DICER1: variants seen among roughly 807,000 people sequenced by gnomAD.
DICER1 encodes the protein dicer 1, ribonuclease III, also known as endoribonuclease Dicer.
DICER1 carries 43 observed loss-of-function variants against 194.1 expected under a neutral mutation model. The ratio of observed to expected loss-of-function variants is 0.22; its 90% confidence interval spans 0.17 to 0.29. DICER1 has a LOEUF of 0.29. Among genes scored for constraint, DICER1 ranks in the 10% least tolerant of loss-of-function variants. DICER1 has a pLI of 1.00. For missense variants in DICER1, 1,608 were observed against 2,317.0 expected (o/e 0.69, Z 6.28); for synonymous variants, 832 against 820.5 (o/e 1.01, Z -0.24).
intron 23 of DICER1, 29 bp from the exon 24 acceptor site, chr14:95,094,185 C>T: frequency 6.2e-7 from 1 of 1,613,384 alleles, no homozygotes; most frequent in Non-Finnish European, 8.5e-7. Context: ...GAACCGTAAG[C>T]TTGTGCAGAA....
rs1893826509 is a variant in DICER1, at chr14:95,130,109, A to C, written c.522T>G (p.Phe174Leu). Reference sequence around the variant, plus strand: ...CTAGGATTGCAAGATGACACTCATCAAACACCAAAAGGTTAATGTCTGACA... The same window carrying C: ...CTAGGATTGCAAGATGACACTCATCCAACACCAAAAGGTTAATGTCTGACA... The part of the protein sequence containing the change: ...LSLSDINLLV[F>L]DECHLAILDH... The change falls in exon 5 of 27, where the codon TTT becomes TTG. Residue 174 changes from phenylalanine to leucine, a missense_variant. Around this residue, in one of 10 missense-constraint regions of DICER1, gnomAD observed 657 missense variants for 910.1 expected, o/e 0.72. Coordinates refer to ENST00000343455, the MANE Select transcript of DICER1 (RefSeq NM_177438.3). 1 of 1,613,618 alleles carries C rather than the reference A, an allele frequency of 6.2e-7. No individual in the cohort carries two copies. The highest frequency in any genetic ancestry group is 1.3e-5 in the African/African-American group (1 of 75,060).
Position 95,132,610 on chromosome 14 carries a change from G to C in DICER1, c.212C>G (p.Thr71Arg), listed in dbSNP as rs376657431. Residue 71 changes from threonine (T) to arginine (R), a missense_variant, in exon 3 of 27, where the codon ACA becomes AGA. This residue lies in a region of DICER1 where 657 missense variants were observed against 910.1 expected (regional missense o/e 0.72). Transcript: ENST00000343455. ...IVCLNTGSGK[T>R]FIAVLLTKEL... ...TTTAGTGAGTAGTACTGCAATAAAT[G>C]TCTTCCCTGAGCCAGTGTTTAAACA... The C allele has an allele frequency of 1.9e-6, 3 of 1,613,670 alleles. No homozygotes were observed. Among genetic ancestry groups the C allele is most frequent in the Non-Finnish European group, 2.5e-6 (3 of 1,179,776 alleles).
At chr14:95,137,409 GA>G in intron 1 of DICER1, among the ~76,000 whole-genome samples, 1 of 129,016 alleles carries the variant, frequency 7.8e-6, no homozygotes. Flanking sequence ...GAAAGGGAAA[GA>G]AAAAGGGGAA....
chr14:95,138,659 C>T (rs1471369490), intron 1 of DICER1, among the ~76,000 whole-genome samples: 5 of 151,972 alleles, frequency 3.3e-5, no homozygotes, highest in African/African-American at 7.3e-5. Context: ...TGACTTCTGC[C>T]GACCTGTAAC....
intron 10 of DICER1, among the ~76,000 whole-genome samples, chr14:95,116,083 ACACACAC>A (rs543771491): frequency 1.1e-3 from 170 of 151,312 alleles, no homozygotes; most frequent in African/African-American, 4.0e-3. Context: ...ACACACACAC[ACACACAC>A]GACTGTTAGT....
At position 95,133,305 on chromosome 14, in the gene DICER1, G is replaced by C. The variant is rs200678453; in HGVS notation, c.144+10C>G. The C allele has an allele frequency of 1.2e-6, 2 of 1,613,562 alleles. No individual in the cohort carries two copies. The highest frequency in any genetic ancestry group is 8.5e-7 in the Non-Finnish European group (1 of 1,179,696). ...GTAGAATGCTCCAGTATTAGTGTTC[G>C]CATTAGTACCTGATATTTTCTTGGC... is the stretch of plus-strand genomic sequence containing the variant. On this transcript the variant is annotated intron_variant, in intron 2 of 26. Coordinates refer to ENST00000343455, the MANE Select transcript of DICER1 (RefSeq NM_177438.3).
intron 1 of DICER1, among the ~76,000 whole-genome samples, chr14:95,146,735 A>G (rs1196756908): frequency 3.5e-4 from 53 of 152,202 alleles, no homozygotes; most frequent in Admixed American, 3.5e-3. Flanking sequence ...GTGGGAGGGT[A>G]GCATAGCCAA....
chr14:95,109,724 A>G (rs1290243440), intron 14 of DICER1, among the ~76,000 whole-genome samples: 14 of 152,220 alleles, frequency 9.2e-5, no homozygotes, highest in Admixed American at 5.9e-4. Flanking sequence ...AAACTTGGTA[A>G]AACTGCATAA....
At chr14:95,113,050 C>A in intron 12 of DICER1, 42 bp downstream of exon 12, 1 of 1,602,086 alleles carries the variant, frequency 6.2e-7, no homozygotes, top group South Asian at 1.1e-5. Flanking sequence ...CCACTAATGA[C>A]ACATTTTAAA....
intron 17 of DICER1, among the ~76,000 whole-genome samples, chr14:95,107,064 G>A (rs1891486966): frequency 6.6e-6 from 1 of 152,126 alleles, no homozygotes; most frequent in Admixed American, 6.5e-5. Flanking sequence ...TGCCCAGGCT[G>A]GAGTGTAGTG....
At chr14:95,135,568 C>T (rs1595474428) in intron 1 of DICER1, among the ~76,000 whole-genome samples, 1 of 152,064 alleles carries the variant, frequency 6.6e-6, no homozygotes, top group African/African-American at 2.4e-5. Context: ...GGAGGGTATT[C>T]TTCAAAAATG....
intron 6 of DICER1, chr14:95,129,026 T>C (rs1383026708): frequency 6.4e-6 from 1 of 156,228 alleles, no homozygotes; most frequent in African/African-American, 2.4e-5. Context: ...AGCAACTTTC[T>C]CTGAAATCCA....
intron 21 of DICER1, among the ~76,000 whole-genome samples, chr14:95,100,174 G>GA (rs1890751474): frequency 6.6e-6 from 1 of 152,060 alleles, no homozygotes; most frequent in African/African-American, 2.4e-5. Flanking sequence ...ATGCAGAGCA[G>GA]AAAAAATAAT....
chr14:95,101,666 C>T (rs12881840), intron 21 of DICER1, among the ~76,000 whole-genome samples: 9,802 of 152,258 alleles, frequency 0.064, 411 homozygotes, highest in African/African-American at 0.11. Flanking sequence ...GTTATGACTG[C>T]GCCTCCAGTC....
At chr14:95,109,171 C>A (rs1225030726) in intron 14 of DICER1, among the ~76,000 whole-genome samples, 1 of 152,168 alleles carries the variant, frequency 6.6e-6, no homozygotes, top group Non-Finnish European at 1.5e-5. Flanking sequence ...TTTGTAATGG[C>A]TACCTCATTA....
At position 95,087,457 on chromosome 14, in the gene DICER1, T is replaced by A. The variant is rs991819605; in HGVS notation, c.*3041A>T. The A allele has an allele frequency of 1.3e-5, 3 of 233,158 alleles. No individual in the cohort carries two copies. Among genetic ancestry groups the A allele is most frequent in the African/African-American group, 6.6e-5 (3 of 45,336 alleles). The allele number at this position is 233,158 out of a possible 1,614,324, so 14.4% of individuals were successfully genotyped here. A position where few individuals can be genotyped will look rare whatever the true frequency, so the allele number is the denominator to read the frequency against. On this transcript the variant is annotated 3_prime_UTR_variant, in exon 27 of 27. Transcript: ENST00000343455. ...AGACAAAAATGACCTATTTAAGTTG[T>A]GCGAGTATATGACACATTGCAGGCA... is the stretch of plus-strand genomic sequence containing the variant.
chr14:95,109,946 T>C (rs1891805507), intron 14 of DICER1, among the ~76,000 whole-genome samples: 1 of 152,230 alleles, frequency 6.6e-6, no homozygotes, highest in African/African-American at 2.4e-5. Flanking sequence ...GCCTAATTTA[T>C]ATCTTAAACT....
chr14:95,111,851 G>C (rs1327589438), intron 13 of DICER1, among the ~76,000 whole-genome samples: 1 of 151,494 alleles, frequency 6.6e-6, no homozygotes, highest in Non-Finnish European at 1.5e-5. Flanking sequence ...TAATTTGAGA[G>C]ACTGACATAT....
intron 3 of DICER1, 83 bp from the exon 4 acceptor site, chr14:95,131,722 C>A (rs1893968072): frequency 3.3e-6 from 4 of 1,224,276 alleles, no homozygotes; most frequent in Non-Finnish European, 4.8e-6. Context: ...TAACAGTCTA[C>A]AGAAATCCTT....
Sources: gnomAD v4.1 joint callset for allele counts (sites outside exome capture counted in the v4.1 genomes callset) on GRCh38, gnomAD v4.1.1 for gene constraint, gnomAD v4.1.1 regional missense constraint, MANE v1.5 for transcripts, NCBI Gene and HGNC (gene_info 2026-07-23, HGNC 2026-07-21) for gene names.